The following SRBD1 variants were observed in gnomAD, a reference collection of about 807,000 sequenced individuals.
SRBD1 encodes S1 RNA-binding domain-containing protein 1.
In SRBD1, 88 loss-of-function variants were observed where a neutral mutation model predicts 115.3. The observed-to-expected ratio is 0.76, with a 90% CI of 0.64 to 0.91. The LOEUF is 0.91. Among genes scored for constraint, SRBD1 ranks in the 40% least tolerant of loss-of-function variants. SRBD1 has a pLI of 0.00. For synonymous variants in SRBD1, 509 were observed against 407.7 expected, an observed-to-expected ratio of 1.25 and a Z score of -2.99; for missense variants, 1,385 against 1,177.4, an observed-to-expected ratio of 1.18 and a Z score of -2.58.
intron 15 of SRBD1, 28 bp downstream of exon 15, chr2:45,488,212 G>C (rs747624370): frequency 1.3e-6 from 2 of 1,582,892 alleles, no homozygotes; most frequent in African/African-American, 2.7e-5. Flanking sequence ...AAAATCACAT[G>C]TTTTTGTGAT....
chr2:45,388,715 C>G lies in SRBD1; in HGVS notation c.*595G>C, dbSNP rs571984166. Reference sequence around the variant, plus strand: ...CAAACATTTATTGTTGGGGTCAATACGTATATCCTTTTGAGAAGTGTTTCG... The same window carrying G: ...CAAACATTTATTGTTGGGGTCAATAGGTATATCCTTTTGAGAAGTGTTTCG... On this transcript the variant is annotated 3_prime_UTR_variant, in exon 21 of 21. Coordinates refer to ENST00000263736, the MANE Select transcript of SRBD1 (RefSeq NM_018079.5). The G allele has an allele frequency of 2.6e-5, 4 of 152,358 alleles. No individual in the cohort carries two copies. Among genetic ancestry groups the G allele is most frequent in the African/African-American group, 9.7e-5 (4 of 41,438 alleles). The allele number at this position is 152,358 out of a possible 1,614,324, so 9.4% of individuals were successfully genotyped here.
chr2:45,395,952 A>T (rs1430493572), intron 19 of SRBD1, among the ~76,000 whole-genome samples: 1 of 152,210 alleles, frequency 6.6e-6, no homozygotes, highest in African/African-American at 2.4e-5. Context: ...GGTAAGTAAT[A>T]CTCAATACAA....
chr2:45,559,703 GA>G lies in SRBD1; in HGVS notation c.1409+2949del, dbSNP rs368764369. Among the ~76,000 whole-genome samples the G allele has an allele frequency of 1.0e-2, 1,480 of 148,678 alleles. 21 individuals carry two copies. Among genetic ancestry groups the G allele is most frequent in the African/African-American group, 0.034 (1,382 of 40,604 alleles). On this transcript the variant is annotated intron_variant, in intron 10 of 20. Transcript: ENST00000263736. ...TCTAGTCATTCACATGTGCTTAAAG[GA>G]AAAAAAAAAGTTCTTTTGAGAATAA... is the stretch of plus-strand genomic sequence containing the variant.
intron 14 of SRBD1, among the ~76,000 whole-genome samples, chr2:45,500,533 C>A (rs942348649): frequency 1.3e-5 from 2 of 152,030 alleles, no homozygotes; most frequent in Non-Finnish European, 2.9e-5. Flanking sequence ...AGCTGTCCTC[C>A]CACCTTGGCC....
At chr2:45,520,209 G>A (rs1054426949) in intron 14 of SRBD1, among the ~76,000 whole-genome samples, 1 of 152,214 alleles carries the variant, frequency 6.6e-6, no homozygotes, top group Admixed American at 6.5e-5. Flanking sequence ...AGGGTACCTG[G>A]CCTCAATGGT....
chr2:45,605,400 A>ATCCTGGACCTG lies in SRBD1; in HGVS notation c.31_41dup (p.Val15ArgfsTer7). On this transcript the variant is annotated frameshift_variant, in exon 2 of 21. Transcript: ENST00000263736. LOFTEE classifies it high-confidence loss of function. ...AAGAAAATTCATCTTTCAGTACCAC[A>ATCCTGGACCTG]TCCTGGACCTGTACTTTCGCTCTTC... 1.2e-6 allele frequency: 2 copies of ATCCTGGACCTG among 1,613,876 alleles called. No individual in the cohort carries two copies. Among genetic ancestry groups the ATCCTGGACCTG allele is most frequent in the Non-Finnish European group, 1.7e-6 (2 of 1,180,008 alleles).
chr2:45,446,980 T>C (rs949476767), intron 16 of SRBD1, among the ~76,000 whole-genome samples: 5 of 152,200 alleles, frequency 3.3e-5, no homozygotes, highest in Non-Finnish European at 1.5e-5. Flanking sequence ...CTCCAAACAG[T>C]CATCCATCAG....
intron 20 of SRBD1, among the ~76,000 whole-genome samples, chr2:45,390,869 G>A (rs944543043): frequency 6.6e-6 from 1 of 152,046 alleles, no homozygotes; most frequent in African/African-American, 2.4e-5. Flanking sequence ...AAATGAGTAC[G>A]CTAAAATTGG....
intron 16 of SRBD1, among the ~76,000 whole-genome samples, chr2:45,460,216 G>C (rs1320356795): frequency 1.3e-5 from 2 of 152,022 alleles, no homozygotes; most frequent in Non-Finnish European, 2.9e-5. Context: ...GCCATCACTG[G>C]GTCAGTGTTC....
chr2:45,389,580 G>A lies in SRBD1; in HGVS notation c.2718C>T (p.Phe906=), dbSNP rs752208419. ...DFRTDFDKPD[F]KRSIVCLEDL... ...CTTCCAGGCATACTATGCTTCTCTT[G>A]AAATCAGGTTTATCAAAATCTGTAA... The change falls in exon 21 of 21, where the codon TTC becomes TTT. Residue 906 remains phenylalanine (F), a synonymous_variant. Transcript: ENST00000263736. 1.2e-6 allele frequency: 2 copies of A among 1,612,858 alleles called. No individual in the cohort carries two copies. Among genetic ancestry groups the A allele is most frequent in the East Asian group, 4.5e-5 (2 of 44,854 alleles).
chr2:45,440,402 T>C (rs1668628773), intron 16 of SRBD1, among the ~76,000 whole-genome samples: 1 of 152,156 alleles, frequency 6.6e-6, no homozygotes, highest in Non-Finnish European at 1.5e-5. Context: ...GGTTCATAAA[T>C]CCTAAATGTC....
At chr2:45,557,103 G>A (rs899824811) in intron 10 of SRBD1, among the ~76,000 whole-genome samples, 17 of 152,064 alleles carry the variant, frequency 1.1e-4, no homozygotes, top group African/African-American at 3.9e-4. Flanking sequence ...GAAAAAGCAC[G>A]GTAAATTGAA....
At chr2:45,462,541 T>C (rs1257288874) in intron 16 of SRBD1, among the ~76,000 whole-genome samples, 1 of 151,908 alleles carries the variant, frequency 6.6e-6, no homozygotes, top group Non-Finnish European at 1.5e-5. Context: ...AATAAACAGA[T>C]TGGGTGCCCT....
intron 2 of SRBD1, among the ~76,000 whole-genome samples, chr2:45,604,476 A>G (rs1488989436): frequency 6.6e-6 from 1 of 152,120 alleles, no homozygotes; most frequent in African/African-American, 2.4e-5. Context: ...GGGACTAAGG[A>G]GAAGGATCTA....
intron 15 of SRBD1, among the ~76,000 whole-genome samples, chr2:45,483,432 T>C (rs1227625192): frequency 1.6e-5 from 2 of 127,858 alleles, no homozygotes; most frequent in Non-Finnish European, 3.7e-5. Context: ...AGTATATAAC[T>C]TGCATGACCA....
chr2:45,408,277 T>C (rs915676228), intron 19 of SRBD1, among the ~76,000 whole-genome samples: 6 of 152,188 alleles, frequency 3.9e-5, no homozygotes, highest in African/African-American at 1.4e-4. Context: ...TAAGCGTACT[T>C]GATAGACAGA....
intron 19 of SRBD1, among the ~76,000 whole-genome samples, chr2:45,407,375 T>C (rs941053991): frequency 2.9e-4 from 44 of 152,170 alleles, no homozygotes; most frequent in African/African-American, 1.0e-3. Flanking sequence ...ACCTTCTGCA[T>C]AAAACTTTAC....
intron 14 of SRBD1, among the ~76,000 whole-genome samples, chr2:45,531,664 G>A (rs1045699771): frequency 2.0e-5 from 3 of 148,696 alleles, no homozygotes; most frequent in South Asian, 2.1e-4. Context: ...AAACAAAGAA[G>A]TAACCAGGGT....
intron 19 of SRBD1, among the ~76,000 whole-genome samples, chr2:45,405,922 A>G (rs1445642073): frequency 1.3e-5 from 2 of 152,128 alleles, no homozygotes; most frequent in Non-Finnish European, 2.9e-5. Context: ...TCTAAGGGAA[A>G]GTAAGATAAA....
Sources: gnomAD v4.1 joint callset for allele counts (sites outside exome capture counted in the v4.1 genomes callset) on GRCh38, gnomAD v4.1.1 for gene constraint, MANE v1.5 for transcripts, NCBI Gene and HGNC (gene_info 2026-07-23, HGNC 2026-07-21) for gene names.